The following FBXL13 variants were observed in gnomAD, a reference collection of about 807,000 sequenced individuals.
FBXL13 encodes F-box and leucine-rich repeat protein 13.
Under a neutral mutation model 83.6 loss-of-function variants are expected in FBXL13, and 67 were observed. The observed-to-expected ratio is 0.80, with a 90% CI of 0.66 to 0.98. FBXL13 has a LOEUF of 0.98. FBXL13 is among the 50% of genes least tolerant of loss of function. The pLI is 0.00. For synonymous variants in FBXL13, 272 were observed against 299.5 expected, an observed-to-expected ratio of 0.91 and a Z score of 0.95; for missense variants, 822 against 866.5, an observed-to-expected ratio of 0.95 and a Z score of 0.64.
chr7:102,864,662 C>G lies in FBXL13; in HGVS notation c.1636-9802G>C, dbSNP rs541197715. On this transcript the variant is annotated intron_variant, in intron 16 of 19. Transcript: ENST00000313221. ...GGGATTACAGGTGTGAGCCACCGCA[C>G]CCAGCCAAGTGTTCATTTTCTAACT... Among the ~76,000 whole-genome samples the G allele has an allele frequency of 6.8e-4, 103 of 152,302 alleles. 2 individuals carry two copies. In the East Asian group the frequency reaches 0.018, roughly 27 times the overall value.
rs1213991466 is a variant in FBXL13, at chr7:102,860,705, C to T, written c.1636-5845G>A. 3.3e-5 allele frequency among the ~76,000 whole-genome samples: 5 copies of T among 151,778 alleles called. No individual in the cohort carries two copies. In the East Asian group the frequency reaches 9.6e-4, roughly 29 times the overall value. On this transcript the variant is annotated intron_variant, in intron 16 of 19. Coordinates refer to ENST00000313221, the Ensembl canonical transcript of FBXL13. ...TGTGTGTGTGTGTGTGTGGTGTGTA[C>T]TTACTATACGGCTGAGTCATACTAC...
chr7:102,920,950 G>A (rs903793977), intron 10 of FBXL13, among the ~76,000 whole-genome samples: 3 of 151,972 alleles, frequency 2.0e-5, no homozygotes, highest in African/African-American at 7.2e-5. Flanking sequence ...TCAGGAGTTC[G>A]AGACCGGCCT....
intron 6 of FBXL13, among the ~76,000 whole-genome samples, chr7:103,001,132 T>TA (rs36074203): frequency 0.021 from 3,135 of 145,882 alleles, 119 homozygotes; most frequent in African/African-American, 0.079. Context: ...TTTTTTTTGA[T>TA]TTTTTTTTTG....
intron 8 of FBXL13, chr7:102,942,366 G>C (rs1385522711): frequency 6.5e-7 from 1 of 1,531,404 alleles, no homozygotes; most frequent in African/African-American, 1.4e-5. Context: ...TGCAGTGGGA[G>C]TTGCCAGACT....
intron 6 of FBXL13, among the ~76,000 whole-genome samples, chr7:103,007,315 A>G (rs918456203): frequency 2.6e-4 from 40 of 152,144 alleles, no homozygotes; most frequent in African/African-American, 8.7e-4. Context: ...TGAAAAGTCA[A>G]TGATAAAGAG....
intron 2 of FBXL13, among the ~76,000 whole-genome samples, chr7:103,051,047 G>C (rs1006133944): frequency 6.6e-6 from 1 of 152,246 alleles, no homozygotes; most frequent in Admixed American, 6.5e-5. Context: ...AGACTATGCT[G>C]CCTCCCAGGC....
intron 8 of FBXL13, among the ~76,000 whole-genome samples, chr7:102,942,699 C>G (rs1263258018): frequency 1.3e-5 from 2 of 152,082 alleles, no homozygotes; most frequent in African/African-American, 2.4e-5. Context: ...CCCCTACCCG[C>G]AAGACATTGC....
At chr7:102,826,908 A>G (rs2129446569) in intron 18 of FBXL13, among the ~76,000 whole-genome samples, 1 of 149,266 alleles carries the variant, frequency 6.7e-6, no homozygotes, top group South Asian at 2.1e-4. Flanking sequence ...ATATTATGTT[A>G]TATTATGCTA....
chr7:102,908,071 C>T (rs1164005012), intron 11 of FBXL13, among the ~76,000 whole-genome samples: 2 of 152,134 alleles, frequency 1.3e-5, no homozygotes, highest in East Asian at 1.9e-4. Flanking sequence ...TGGGTATATA[C>T]CCAAATGATT....
chr7:103,032,786 T>C (rs1212544756), intron 2 of FBXL13, among the ~76,000 whole-genome samples: 1 of 152,182 alleles, frequency 6.6e-6, no homozygotes, highest in African/African-American at 2.4e-5. Context: ...TCCCAAAACG[T>C]TGGATGGCTG....
exon 3 of FBXL13, chr7:103,029,402 A>T (rs1433740297): frequency 6.5e-7 from 1 of 1,528,354 alleles, no homozygotes; most frequent in Non-Finnish European, 8.8e-7. Flanking sequence ...GGCTTTTATC[A>T]TCAATTCCGG....
chr7:103,074,167 G>C, intron 1 of FBXL13: 1 of 911,472 alleles, frequency 1.1e-6, no homozygotes, highest in Non-Finnish European at 1.3e-6. Flanking sequence ...ACTGACCAAA[G>C]GTCTCAGCTT....
intron 6 of FBXL13, among the ~76,000 whole-genome samples, chr7:102,998,117 T>C (rs965180055): frequency 3.3e-5 from 5 of 152,224 alleles, no homozygotes; most frequent in Non-Finnish European, 7.3e-5. Context: ...TCATTGTGCT[T>C]TTGGTACGCA....
At chr7:103,063,286 C>G (rs1798094343) in intron 1 of FBXL13, among the ~76,000 whole-genome samples, 2 of 152,156 alleles carry the variant, frequency 1.3e-5, no homozygotes, top group Admixed American at 1.3e-4. Flanking sequence ...CAGAATGTTT[C>G]CTCTTGTCAT....
intron 7 of FBXL13, among the ~76,000 whole-genome samples, chr7:102,966,892 C>T (rs1417864594): frequency 2.0e-5 from 3 of 152,178 alleles, no homozygotes; most frequent in African/African-American, 4.8e-5. Flanking sequence ...GCCCTGGCCA[C>T]TCCAAAAACC....
rs764271660 is a variant in FBXL13 at position 102,829,672 on chromosome 7, G to A, written c.1854+3168C>T. ...TTGTTTTCCTTGGCATTTTAGTGTCGAGTAGGATGAGGTCACAGTACTACT... is the reference window on the plus strand; with the variant it reads ...TTGTTTTCCTTGGCATTTTAGTGTCAAGTAGGATGAGGTCACAGTACTACT... On this transcript the variant is annotated intron_variant, in intron 18 of 19. Coordinates refer to ENST00000313221, the Ensembl canonical transcript of FBXL13. Among the ~76,000 whole-genome samples, 28 of 152,078 alleles carry A rather than the reference G, an allele frequency of 1.8e-4. 1 individual carries two copies. Among genetic ancestry groups the A allele is most frequent in the Non-Finnish European group, 4.0e-4 (27 of 68,020 alleles).
intron 8 of FBXL13, among the ~76,000 whole-genome samples, chr7:102,932,639 C>T (rs1275920802): frequency 3.3e-5 from 1 of 30,492 alleles, no homozygotes; most frequent in Non-Finnish European, 8.4e-5. Flanking sequence ...CTGTCAGCCA[C>T]GCTAGAGTGC....
intron 2 of FBXL13, among the ~76,000 whole-genome samples, chr7:103,033,460 A>C (rs1794734901): frequency 1.3e-5 from 2 of 152,230 alleles, no homozygotes; most frequent in African/African-American, 4.8e-5. Context: ...ACAGTTCTTA[A>C]AGGCGGCGTG....
chr7:102,915,915 A>C (rs1815762254), intron 10 of FBXL13, among the ~76,000 whole-genome samples: 1 of 152,168 alleles, frequency 6.6e-6, no homozygotes, highest in Non-Finnish European at 1.5e-5. Flanking sequence ...TGTCCCAGAG[A>C]CTGCTAATAC....
Sources: gnomAD v4.1 joint callset for allele counts (sites outside exome capture counted in the v4.1 genomes callset) on GRCh38, gnomAD v4.1.1 for gene constraint, MANE v1.5 for transcripts, NCBI Gene and HGNC (gene_info 2026-07-23, HGNC 2026-07-21) for gene names.